FCHO2: variants seen among roughly 807,000 people sequenced by gnomAD.
FCHO2 encodes the protein F-BAR domain only protein 2.
In FCHO2, 43 loss-of-function variants were observed where a neutral mutation model predicts 114.1. The observed-to-expected ratio is 0.38, with a 90% confidence interval of 0.30 to 0.49. The LOEUF is 0.49. Among genes scored for constraint, FCHO2 ranks in the 20% least tolerant of loss-of-function variants. The pLI, the probability that FCHO2 is intolerant of heterozygous loss-of-function variation, is 0.97. For synonymous variants in FCHO2, 293 were observed against 315.2 expected (o/e 0.93, Z 0.75); for missense variants, 807 against 950.4 (o/e 0.85, Z 1.98).
chr5:73,061,182 C>T (rs1757835412), intron 17 of FCHO2, among the ~76,000 whole-genome samples: 2 of 151,934 alleles, frequency 1.3e-5, no homozygotes, highest in South Asian at 2.1e-4. Context: ...GCCACCTTGT[C>T]GAATCTTTTT....
intron 1 of FCHO2, among the ~76,000 whole-genome samples, chr5:72,962,951 A>G (rs1398989987): frequency 6.6e-6 from 1 of 152,122 alleles, no homozygotes; most frequent in Non-Finnish European, 1.5e-5. Context: ...CAAAAAGATA[A>G]GTATAAATTG....
At chr5:73,070,991 C>G (rs1239177681) in intron 19 of FCHO2, among the ~76,000 whole-genome samples, 1 of 151,916 alleles carries the variant, frequency 6.6e-6, no homozygotes, top group African/African-American at 2.4e-5. Context: ...ACTAATGGTC[C>G]TTAAGTGTAT....
intron 23 of FCHO2, 130 bp from the exon 24 acceptor site, chr5:73,082,631 A>C: frequency 1.4e-6 from 1 of 724,816 alleles, no homozygotes; most frequent in South Asian, 1.7e-5. Flanking sequence ...TCACCAGTTA[A>C]TACTACTTAA....
intron 1 of FCHO2, among the ~76,000 whole-genome samples, chr5:72,956,786 T>A (rs1257979985): frequency 1.3e-5 from 2 of 152,112 alleles, no homozygotes; most frequent in Non-Finnish European, 2.9e-5. Flanking sequence ...CTCCCCCTAC[T>A]CTGTGCTCCT....
chr5:73,041,986 A>G (rs56655588), intron 11 of FCHO2, among the ~76,000 whole-genome samples: 21,736 of 152,014 alleles, frequency 0.14, 1,775 homozygotes, highest in East Asian at 0.35. Flanking sequence ...TCCTTTGCTT[A>G]TTGTTCTTAC....
At position 73,052,369 on chromosome 5, in the gene FCHO2, T is replaced by C; in HGVS notation, c.1035T>C (p.Ser345=). ...ACCATTTCTACTCATCTAGTGATTC[T>C]GACTCCGAAGATGAAGAACCAAAGA... The part of the protein sequence containing the change: ...KENHFYSSSD[S]DSEDEEPKKY... Residue 345 remains serine (S), a synonymous_variant, in exon 13 of 26, where the codon TCT becomes TCC. Coordinates refer to ENST00000430046, the MANE Select transcript of FCHO2 (RefSeq NM_138782.3). 6.2e-7 allele frequency: 1 copy of C among 1,609,100 alleles called. No individual in the cohort carries two copies. Among genetic ancestry groups the C allele is most frequent in the Non-Finnish European group, 8.5e-7 (1 of 1,177,488 alleles).
At chr5:73,080,146 G>A (rs1245268649) in intron 22 of FCHO2, among the ~76,000 whole-genome samples, 1 of 152,188 alleles carries the variant, frequency 6.6e-6, no homozygotes, top group African/African-American at 2.4e-5. Context: ...TTGTAAATTT[G>A]TAAGCAACAT....
chr5:73,050,464 A>G (rs1206862048), intron 11 of FCHO2, among the ~76,000 whole-genome samples: 2 of 151,944 alleles, frequency 1.3e-5, no homozygotes, highest in Admixed American at 6.6e-5. Flanking sequence ...GATTACAAGC[A>G]TGCACCACCA....
At chr5:72,957,993 A>G (rs1406079528) in intron 1 of FCHO2, among the ~76,000 whole-genome samples, 1 of 150,344 alleles carries the variant, frequency 6.7e-6, no homozygotes, top group African/African-American at 2.4e-5. Flanking sequence ...ATTTAGATTA[A>G]TTGCCCATTT....
At chr5:73,005,211 AC>A (rs1469835473) in intron 5 of FCHO2, among the ~76,000 whole-genome samples, 1 of 152,208 alleles carries the variant, frequency 6.6e-6, no homozygotes, top group Non-Finnish European at 1.5e-5. Flanking sequence ...TGTACCTCTT[AC>A]CAAACCCAAA....
rs907624074 is a variant in FCHO2 at position 72,985,680 on chromosome 5, C to A, written c.126-3747C>A. ...TAATTAATTTTTTTTGAAGATCGTT[C>A]CATTATCTATAGTTGAGATGTTAGC... On this transcript the variant is annotated intron_variant, in intron 2 of 25. Transcript: ENST00000430046. Among the ~76,000 whole-genome samples, 3 of 151,732 alleles carry A rather than the reference C, an allele frequency of 2.0e-5. No individual in the cohort carries two copies. The East Asian group carries it at 5.8e-4, about 29-fold the overall frequency.
intron 5 of FCHO2, among the ~76,000 whole-genome samples, chr5:73,002,912 C>T (rs1000749103): frequency 1.3e-5 from 2 of 152,118 alleles, no homozygotes; most frequent in Non-Finnish European, 1.5e-5. Flanking sequence ...AAAAGAAAAC[C>T]TGCTAGGTGT....
intron 8 of FCHO2, among the ~76,000 whole-genome samples, chr5:73,030,754 A>G (rs1756193554): frequency 6.6e-6 from 1 of 152,200 alleles, no homozygotes; most frequent in South Asian, 2.1e-4. Context: ...GTGGTTTAAC[A>G]AGTTCTCCAG....
In FCHO2 at chr5:72,961,926, A is replaced by G. The variant is rs72764831; in HGVS notation, c.33+5797A>G. Among the ~76,000 whole-genome samples, 230 of 152,276 alleles carry G rather than the reference A, an allele frequency of 1.5e-3. 1 individual carries two copies. The highest frequency in any genetic ancestry group is 2.7e-3 in the Non-Finnish European group (186 of 68,016). On this transcript the variant is annotated intron_variant, in intron 1 of 25. Coordinates refer to ENST00000430046, the MANE Select transcript of FCHO2 (RefSeq NM_138782.3). Reference sequence around the variant, plus strand: ...CAATTTCTTATATGGTTTTCCACAGATGAGACCAAATAACATACACTCCAC... The same window carrying G: ...CAATTTCTTATATGGTTTTCCACAGGTGAGACCAAATAACATACACTCCAC...
At chr5:72,963,506 A>G (rs1330911303) in intron 1 of FCHO2, among the ~76,000 whole-genome samples, 1 of 152,086 alleles carries the variant, frequency 6.6e-6, no homozygotes, top group Non-Finnish European at 1.5e-5. Context: ...TCTCATGTGA[A>G]TAAGTATTCT....
chr5:72,984,397 A>G (rs994865459), intron 2 of FCHO2, among the ~76,000 whole-genome samples: 24 of 152,230 alleles, frequency 1.6e-4, no homozygotes, highest in Non-Finnish European at 3.2e-4. Context: ...TGGCTTCATA[A>G]AATGAATTGG....
rs187807643 is a variant in FCHO2, at chr5:73,049,095, C to T, written c.940-2254C>T. On this transcript the variant is annotated intron_variant, in intron 11 of 25. Coordinates refer to ENST00000430046, the MANE Select transcript of FCHO2 (RefSeq NM_138782.3). ...GTTTCACCGTGTTAGCCAGGATGGT[C>T]TCGATCTCCTGACCTCGTGATCCGC... 6.9e-3 allele frequency among the ~76,000 whole-genome samples: 1,042 copies of T among 151,784 alleles called. 7 individuals are homozygous for T. Among genetic ancestry groups the T allele is most frequent in the African/African-American group, 0.025 (1,019 of 41,414 alleles).
At chr5:73,059,799 A>C (rs754350873) in intron 17 of FCHO2, among the ~76,000 whole-genome samples, 17 of 151,968 alleles carry the variant, frequency 1.1e-4, no homozygotes, top group Non-Finnish European at 2.5e-4. Context: ...ATTTAGTATT[A>C]TAAAATTAAC....
chr5:72,983,803 T>G (rs577334089), intron 2 of FCHO2, among the ~76,000 whole-genome samples: 5 of 151,886 alleles, frequency 3.3e-5, no homozygotes, highest in African/African-American at 1.2e-4. Flanking sequence ...CTGTTTTCGG[T>G]TTTTTTTCTA....
Sources: allele counts gnomAD v4.1 joint callset (sites outside exome capture counted in the v4.1 genomes callset), GRCh38; gene constraint gnomAD v4.1.1; transcripts MANE v1.5; gene names NCBI Gene and HGNC (gene_info 2026-07-23, HGNC 2026-07-21).